The following RAC1 variants were observed in gnomAD, a reference collection of about 807,000 sequenced individuals.
RAC1 encodes ras-related C3 botulinum toxin substrate 1.
RAC1 carries 2 observed loss-of-function variants against 25.2 expected under a neutral mutation model. That is an observed-to-expected ratio of 0.08 (90% confidence interval 0.03 to 0.25). RAC1 has a LOEUF of 0.25. Among genes scored for constraint, RAC1 ranks in the 10% least tolerant of loss-of-function variants. The pLI, the probability that RAC1 is intolerant of heterozygous loss-of-function variation, is 1.00. For missense variants in RAC1, 50 were observed against 235.7 expected (o/e 0.21, Z 5.16); for synonymous variants, 88 against 94.0 (o/e 0.94, Z 0.37).
intron 3 of RAC1, among the ~76,000 whole-genome samples, chr7:6,399,237 G>A (rs1393241555): frequency 2.0e-5 from 3 of 152,242 alleles, no homozygotes; most frequent in African/African-American, 7.2e-5. Context: ...ATAAAAAGCT[G>A]TTGTGTGGGA....
rs747387468 is a variant in RAC1, at chr7:6,376,176, CTTT to C, written c.35+1428_35+1430del. Reference sequence around the variant, plus strand: ...TATTAGAGTATGTAGGCTATTCAGGCTTTTTTTTTTTTTTTTTTTTTTTTGAGA... The same window carrying C: ...TATTAGAGTATGTAGGCTATTCAGGCTTTTTTTTTTTTTTTTTTTTTGAGA... On this transcript the variant is annotated intron_variant, in intron 1 of 5. Transcript: ENST00000348035. Among the ~76,000 whole-genome samples the C allele has an allele frequency of 5.1e-3, 337 of 65,478 alleles. 4 individuals are homozygous for C. The East Asian group carries it at 0.13, about 26-fold the overall frequency. 43.0% of individuals were successfully genotyped at this position (65,478 alleles called of 152,430 possible).
At chr7:6,383,671 A>G (rs979844118) in intron 1 of RAC1, among the ~76,000 whole-genome samples, 1 of 152,036 alleles carries the variant, frequency 6.6e-6, no homozygotes, top group Non-Finnish European at 1.5e-5. Context: ...GACTTAGGAC[A>G]GAATAGTAAA....
intron 1 of RAC1, among the ~76,000 whole-genome samples, chr7:6,379,427 A>G (rs1007496573): frequency 1.3e-5 from 2 of 151,926 alleles, no homozygotes; most frequent in Non-Finnish European, 2.9e-5. Context: ...GTCACGCTCC[A>G]CCACACTGAC....
At chr7:6,387,388 T>C in intron 2 of RAC1, 105 bp downstream of exon 2, 1 of 801,996 alleles carries the variant, frequency 1.2e-6, no homozygotes, top group South Asian at 1.7e-5. Flanking sequence ...TATGAACAGA[T>C]ACTAATTTTT....
intron 1 of RAC1, among the ~76,000 whole-genome samples, chr7:6,385,712 A>G (rs1782906658): frequency 1.3e-5 from 2 of 152,230 alleles, no homozygotes; most frequent in South Asian, 4.1e-4. Flanking sequence ...CTGGGCCTGT[A>G]ATCTGCCTTG....
chr7:6,382,808 G>GGTTGT (rs529543518), intron 1 of RAC1, among the ~76,000 whole-genome samples: 101 of 152,370 alleles, frequency 6.6e-4, no homozygotes, highest in African/African-American at 2.4e-3. Flanking sequence ...AGCAGGCAGA[G>GGTTGT]GTTGTGGTAA....
chr7:6,390,767 G>T (rs1193474761), intron 2 of RAC1, among the ~76,000 whole-genome samples: 1 of 151,904 alleles, frequency 6.6e-6, no homozygotes, highest in South Asian at 2.1e-4. Context: ...CTTATTTTTG[G>T]TATAGAATGA....
At position 6,402,526 on chromosome 7, in the gene RAC1, A is replaced by AAAAAAAAAAAAAAAAAAAC. The variant is rs1562471619; in HGVS notation, c.*91_*92insAAAAAAACAAAAAAAAAAA. Reference sequence around the variant, plus strand: ...TCAAAAAAAAACAAAAAAAAAAAACAAAAAAAAAAAACAACGGTGGAGCCT... The same window carrying AAAAAAAAAAAAAAAAAAAC: ...TCAAAAAAAAACAAAAAAAAAAAACAAAAAAAAAAAAAAAAAAACAAAAAAAAAAACAACGGTGGAGCCT... On this transcript the variant is annotated 3_prime_UTR_variant, in exon 6 of 6. Transcript: ENST00000348035. The AAAAAAAAAAAAAAAAAAAC allele has an allele frequency of 1.3e-5, 9 of 703,922 alleles. No homozygotes were observed. The highest frequency in any genetic ancestry group is 1.1e-5 in the Non-Finnish European group (6 of 529,876). The allele number at this position is 703,922 out of a possible 1,614,324, so 43.6% of individuals were successfully genotyped here.
At chr7:6,390,617 TAATG>T (rs1299802590) in intron 2 of RAC1, among the ~76,000 whole-genome samples, 11 of 151,488 alleles carry the variant, frequency 7.3e-5, no homozygotes, top group African/African-American at 2.7e-4. Context: ...ATAATAATAA[TAATG>T]ATAATACCAC....
rs7788254 is a variant in RAC1, at chr7:6,400,917, C to T, written c.288+729C>T. ...CTCGAACTCCCGACCTCAGGTGATCCGCGCGTCTCGGCCTCCCAAAGTGCT... is the reference window on the plus strand; with the variant it reads ...CTCGAACTCCCGACCTCAGGTGATCTGCGCGTCTCGGCCTCCCAAAGTGCT... On this transcript the variant is annotated intron_variant, in intron 4 of 5. Coordinates refer to ENST00000348035, the MANE Select transcript of RAC1 (RefSeq NM_006908.5). Among the ~76,000 whole-genome samples, 747 of 152,062 alleles carry T rather than the reference C, an allele frequency of 4.9e-3. 1 individual carries two copies. The highest frequency in any genetic ancestry group is 0.017 in the African/African-American group (724 of 41,464).
intron 1 of RAC1, among the ~76,000 whole-genome samples, chr7:6,386,767 C>T (rs572029016): frequency 1.9e-4 from 26 of 133,946 alleles, no homozygotes; most frequent in South Asian, 6.9e-4. Flanking sequence ...CCAGCTGGGG[C>T]GACAGCACGA....
chr7:6,397,331 G>C (rs1336794476), intron 3 of RAC1, among the ~76,000 whole-genome samples: 1 of 151,664 alleles, frequency 6.6e-6, no homozygotes, highest in Non-Finnish European at 1.5e-5. Context: ...GTCTCGCTCT[G>C]TCACCCAGAC....
chr7:6,395,929 C>T (rs530889296), intron 3 of RAC1, among the ~76,000 whole-genome samples: 2 of 152,292 alleles, frequency 1.3e-5, no homozygotes, highest in South Asian at 4.1e-4. Context: ...CAGATGCCCG[C>T]CCTGTCTTAC....
chr7:6,380,947 C>G (rs1782745221), intron 1 of RAC1, among the ~76,000 whole-genome samples: 1 of 152,182 alleles, frequency 6.6e-6, no homozygotes, highest in Admixed American at 6.5e-5. Flanking sequence ...CTGCTCACTG[C>G]AATCTCCGCA....
intron 3 of RAC1, among the ~76,000 whole-genome samples, chr7:6,396,911 T>TC (rs1783252117): frequency 6.6e-6 from 1 of 151,844 alleles, no homozygotes; most frequent in Non-Finnish European, 1.5e-5. Flanking sequence ...GCACCTGTGG[T>TC]CCCAGCTACT....
chr7:6,403,549 T>TA lies in RAC1; in HGVS notation c.*1104dup, dbSNP rs1242313405. Reference sequence around the variant, plus strand: ...ATTCAGAGCTAATAAGTGCTTTCCTTAGTTTTCTAGTAACTAGGTGTAAAA... The same window carrying TA: ...ATTCAGAGCTAATAAGTGCTTTCCTTAAGTTTTCTAGTAACTAGGTGTAAAA... On this transcript the variant is annotated 3_prime_UTR_variant, in exon 6 of 6. Transcript: ENST00000348035. 2 of 218,870 alleles carry TA rather than the reference T, an allele frequency of 9.1e-6. No homozygotes were observed. Among genetic ancestry groups the TA allele is most frequent in the Non-Finnish European group, 9.2e-6 (1 of 108,910 alleles). 13.6% of individuals were successfully genotyped at this position (218,870 alleles called of 1,614,324 possible).
At chr7:6,378,150 G>A (rs578030992) in intron 1 of RAC1, among the ~76,000 whole-genome samples, 3 of 151,926 alleles carry the variant, frequency 2.0e-5, no homozygotes, top group Non-Finnish European at 2.9e-5. Context: ...TGCATACAGG[G>A]CTGTGTAAAT....
At chr7:6,396,890 C>T (rs1028397894) in intron 3 of RAC1, among the ~76,000 whole-genome samples, 14 of 151,940 alleles carry the variant, frequency 9.2e-5, no homozygotes, top group African/African-American at 2.7e-4. Context: ...ATTAGCCGGG[C>T]GTGGTGGCGG....
intron 1 of RAC1, among the ~76,000 whole-genome samples, chr7:6,378,190 C>A (rs1340381206): frequency 6.6e-6 from 1 of 152,140 alleles, no homozygotes; most frequent in East Asian, 1.9e-4. Context: ...CTATTTCAAT[C>A]TTCTGGGATG....
Sources: gnomAD v4.1 joint callset for allele counts (sites outside exome capture counted in the v4.1 genomes callset) on GRCh38, gnomAD v4.1.1 for gene constraint, MANE v1.5 for transcripts, NCBI Gene and HGNC (gene_info 2026-07-23, HGNC 2026-07-21) for gene names.